The following TSC22D1 variants were observed in gnomAD, a reference collection of about 807,000 sequenced individuals.
TSC22D1 encodes the protein TSC22 domain family member 1, also known as TSC22 domain family protein 1.
In TSC22D1, 9 loss-of-function variants were observed where a neutral mutation model predicts 74.2. The ratio of observed to expected loss-of-function variants is 0.12; its 90% CI spans 0.07 to 0.21. The LOEUF (loss-of-function observed/expected upper bound fraction) is 0.21. Among genes scored for constraint, TSC22D1 ranks in the 10% least tolerant of loss-of-function variants. The pLI is 1.00. For missense variants in TSC22D1, 1,427 were observed against 1,304.7 expected (o/e 1.09, Z -1.44); for synonymous variants, 586 against 492.5 (o/e 1.19, Z -2.51).
rs934561981 is a variant in TSC22D1, at chr13:44,443,135, G to A, written c.2913-7040C>T. Among the ~76,000 whole-genome samples, 5 of 151,634 alleles carry A rather than the reference G, an allele frequency of 3.3e-5. No homozygotes were observed. In the East Asian group the frequency reaches 7.8e-4, roughly 24 times the overall value. Reference sequence around the variant, plus strand: ...GAAGCTAAACAAACCCCAAACAAGAGAATTGTGAAGAAGTCGACAAGGTGT... The same window carrying A: ...GAAGCTAAACAAACCCCAAACAAGAAAATTGTGAAGAAGTCGACAAGGTGT... On this transcript the variant is annotated intron_variant, in intron 1 of 2. Coordinates refer to ENST00000458659, the MANE Select transcript of TSC22D1 (RefSeq NM_183422.4).
intron 1 of TSC22D1, among the ~76,000 whole-genome samples, chr13:44,486,987 T>C (rs1403093355): frequency 6.6e-6 from 1 of 152,110 alleles, no homozygotes; most frequent in African/African-American, 2.4e-5. Flanking sequence ...TACAATAAGG[T>C]AGAGGATTAT....
intron 2 of TSC22D1, 66 bp from the exon 3 acceptor site, chr13:44,434,949 A>G: frequency 7.1e-7 from 1 of 1,406,296 alleles, no homozygotes; most frequent in East Asian, 2.3e-5. Context: ...TGAGTTTCCA[A>G]GACATTATTT....
chr13:44,447,448 G>A (rs553323947), intron 1 of TSC22D1, among the ~76,000 whole-genome samples: 1 of 152,112 alleles, frequency 6.6e-6, no homozygotes, highest in Non-Finnish European at 1.5e-5. Context: ...GCATTACTAG[G>A]CTTGAATTTT....
chr13:44,455,710 A>C (rs1316529215), intron 1 of TSC22D1, among the ~76,000 whole-genome samples: 1 of 152,148 alleles, frequency 6.6e-6, no homozygotes, highest in Non-Finnish European at 1.5e-5. Context: ...AAGCCATGAG[A>C]ATTAATCGCA....
In TSC22D1 at chr13:44,573,279, A is replaced by C; in HGVS notation, c.2796T>G (p.Ser932Arg). ...CATCTGAAACTGCTGACATTCCCCC[A>C]CTGTCACCACTGATAGTCTGAGGTA... ...VGLPQTISGD[S>R]GGMSAVSDGS... The change falls in exon 1 of 3, where the codon AGT becomes AGG. Residue 932 changes from serine to arginine, a missense_variant. Ser to Arg is a moderately radical substitution (Grantham distance 110, BLOSUM62 -1). Coordinates refer to ENST00000458659, the MANE Select transcript of TSC22D1 (RefSeq NM_183422.4). 6.2e-7 allele frequency: 1 copy of C among 1,614,210 alleles called. No homozygotes were observed. The highest frequency in any genetic ancestry group is 8.5e-7 in the Non-Finnish European group (1 of 1,180,022).
chr13:44,541,669 A>C (rs1566162840), intron 1 of TSC22D1, among the ~76,000 whole-genome samples: 1 of 152,166 alleles, frequency 6.6e-6, no homozygotes, highest in Non-Finnish European at 1.5e-5. Flanking sequence ...ATGAGGAGGT[A>C]TATGATGGAT....
chr13:44,547,578 CATTT>C (rs1446154319), intron 1 of TSC22D1, among the ~76,000 whole-genome samples: 1 of 152,032 alleles, frequency 6.6e-6, no homozygotes, highest in Admixed American at 6.5e-5. Flanking sequence ...ACCTTCTCCT[CATTT>C]GTTTCTTCAA....
At chr13:44,495,015 GAAGA>G (rs1878901300) in intron 1 of TSC22D1, among the ~76,000 whole-genome samples, 1 of 152,134 alleles carries the variant, frequency 6.6e-6, no homozygotes, top group Non-Finnish European at 1.5e-5. Flanking sequence ...TGAGTAGGCA[GAAGA>G]AAGAAACAGT....
At chr13:44,536,627 TG>T in intron 1 of TSC22D1, 3 of 579,004 alleles carry the variant, frequency 5.2e-6, no homozygotes, top group Non-Finnish European at 6.5e-6. Context: ...AATGTTCTTC[TG>T]GGTAAAGGAA....
At chr13:44,441,174 T>A (rs1483457949) in intron 1 of TSC22D1, among the ~76,000 whole-genome samples, 1 of 152,198 alleles carries the variant, frequency 6.6e-6, no homozygotes, top group Admixed American at 6.5e-5. Flanking sequence ...GGGGGACTGC[T>A]GCTGGACAAG....
intron 1 of TSC22D1, among the ~76,000 whole-genome samples, chr13:44,473,639 T>C (rs1260054174): frequency 2.0e-5 from 3 of 152,018 alleles, no homozygotes; most frequent in Non-Finnish European, 4.4e-5. Context: ...ATATTTAGCA[T>C]AGATGTATAT....
chr13:44,436,150 C>A, intron 1 of TSC22D1, 55 bp from the exon 2 acceptor site: 1 of 1,560,746 alleles, frequency 6.4e-7, no homozygotes. Context: ...CTTAAGCTTC[C>A]AAGATAAAAA....
At chr13:44,451,931 G>T (rs1156360042) in intron 1 of TSC22D1, among the ~76,000 whole-genome samples, 1 of 152,186 alleles carries the variant, frequency 6.6e-6, no homozygotes, top group Non-Finnish European at 1.5e-5. Context: ...GGGCTCCCTG[G>T]CAAGGACACC....
At chr13:44,453,185 G>C (rs1264060657) in intron 1 of TSC22D1, among the ~76,000 whole-genome samples, 1 of 152,170 alleles carries the variant, frequency 6.6e-6, no homozygotes, top group African/African-American at 2.4e-5. Context: ...CTTTGAATAT[G>C]TTTCTGTGCC....
intron 2 of TSC22D1, 197 bp from the exon 3 acceptor site, chr13:44,435,080 C>T: frequency 7.2e-6 from 4 of 557,828 alleles, no homozygotes; most frequent in South Asian, 4.8e-5. Flanking sequence ...AATGATCAAG[C>T]TTTGTAAAAG....
intron 1 of TSC22D1, among the ~76,000 whole-genome samples, chr13:44,563,935 T>C (rs943562991): frequency 2.6e-5 from 4 of 152,230 alleles, no homozygotes; most frequent in African/African-American, 9.6e-5. Flanking sequence ...TATTGCCAAA[T>C]AACTGCCACA....
At chr13:44,454,653 T>C (rs1188494849) in intron 1 of TSC22D1, among the ~76,000 whole-genome samples, 1 of 152,220 alleles carries the variant, frequency 6.6e-6, no homozygotes, top group East Asian at 1.9e-4. Flanking sequence ...AATACTTGAT[T>C]AGACTTACTA....
chr13:44,564,902 T>C (rs1291528472), intron 1 of TSC22D1, among the ~76,000 whole-genome samples: 1 of 152,108 alleles, frequency 6.6e-6, no homozygotes, highest in African/African-American at 2.4e-5. Context: ...GATCAAGATG[T>C]AGAGAGCAAG....
intron 1 of TSC22D1, among the ~76,000 whole-genome samples, chr13:44,445,939 A>G (rs1875598496): frequency 6.6e-6 from 1 of 152,224 alleles, no homozygotes; most frequent in Non-Finnish European, 1.5e-5. Context: ...GGAATGAAAA[A>G]TGGTACAACC....
Sources: gnomAD v4.1 joint callset for allele counts (sites outside exome capture counted in the v4.1 genomes callset) on GRCh38, gnomAD v4.1.1 for gene constraint, MANE v1.5 for transcripts, NCBI Gene and HGNC (gene_info 2026-07-23, HGNC 2026-07-21) for gene names.